Variants in DGKB observed in about 807,000 individuals in gnomAD.
DGKB encodes diacylglycerol kinase beta.
DGKB carries 67 observed loss-of-function variants against 114.3 expected under a neutral mutation model. The observed-to-expected ratio is 0.59, with a 90% CI of 0.48 to 0.72. DGKB has a LOEUF of 0.72. Ranked by LOEUF, DGKB falls within the 30% of genes least tolerant of loss-of-function variation. The pLI, the probability that DGKB is intolerant of heterozygous loss-of-function variation, is 0.00. For missense variants in DGKB, 907 were observed against 975.2 expected (o/e 0.93, Z 0.93); for synonymous variants, 398 against 323.1 (o/e 1.23, Z -2.49).
intron 23 of DGKB, among the ~76,000 whole-genome samples, chr7:14,285,731 T>A (rs899997341): frequency 1.3e-5 from 2 of 152,132 alleles, no homozygotes; most frequent in African/African-American, 4.8e-5. Context: ...GGAAGGTACA[T>A]CTATGTATGT....
intron 1 of DGKB, among the ~76,000 whole-genome samples, chr7:14,922,183 T>C (rs10487787): frequency 0.081 from 12,309 of 152,076 alleles, 1,592 homozygotes; most frequent in East Asian, 0.64. Context: ...AATTACAAAC[T>C]GTTTCCATGA....
intron 23 of DGKB, among the ~76,000 whole-genome samples, chr7:14,231,619 T>C (rs1184932787): frequency 6.6e-6 from 1 of 151,918 alleles, no homozygotes; most frequent in Admixed American, 6.6e-5. Flanking sequence ...TAATTGCACA[T>C]ATGTGTGTGT....
intron 23 of DGKB, among the ~76,000 whole-genome samples, chr7:14,197,238 C>T (rs1161152688): frequency 6.6e-6 from 1 of 152,008 alleles, no homozygotes; most frequent in African/African-American, 2.4e-5. Context: ...AATACTATTG[C>T]AGTGAAACTC....
At chr7:14,895,101 G>A (rs560425011) in intron 1 of DGKB, among the ~76,000 whole-genome samples, 100 of 151,604 alleles carry the variant, frequency 6.6e-4, no homozygotes, top group African/African-American at 2.3e-3. Flanking sequence ...CAAAATGACA[G>A]GCAAGAGAAG....
chr7:14,176,642 C>T, intron 25 of DGKB, 197 bp downstream of exon 25: 1 of 1,312,352 alleles, frequency 7.6e-7, no homozygotes, highest in Non-Finnish European at 9.7e-7. Flanking sequence ...CATTCAAGAG[C>T]TAAATCATTG....
intron 20 of DGKB, among the ~76,000 whole-genome samples, chr7:14,480,587 A>G (rs1019145326): frequency 1.3e-5 from 2 of 152,158 alleles, no homozygotes; most frequent in Non-Finnish European, 1.5e-5. Flanking sequence ...AGAAAAAGCT[A>G]AAATGCCATT....
Position 14,955,613 on chromosome 7 carries a change from C to A in DGKB, c.-188+19083G>T, listed in dbSNP as rs1334377901. Among the ~76,000 whole-genome samples, 4 of 151,928 alleles carry A rather than the reference C, an allele frequency of 2.6e-5. 1 individual carries two copies. The highest frequency in any genetic ancestry group is 9.7e-5 in the African/African-American group (4 of 41,380). On this transcript the variant is annotated intron_variant, in intron 1 of 4. Transcript: ENST00000437998. ...TTAAGCAAAGCCTAAAGCTCCCTGC[C>A]CAACAAGATGCTGGAAGGAAAGAAG...
intron 21 of DGKB, among the ~76,000 whole-genome samples, chr7:14,446,270 C>A (rs1471870453): frequency 6.6e-6 from 1 of 152,100 alleles, no homozygotes; most frequent in Non-Finnish European, 1.5e-5. Flanking sequence ...TTCATTCAAT[C>A]GAAAGTGGTT....
At chr7:14,182,025 T>G (rs529499237) in intron 23 of DGKB, among the ~76,000 whole-genome samples, 1 of 152,306 alleles carries the variant, frequency 6.6e-6, no homozygotes, top group Admixed American at 6.5e-5. Flanking sequence ...AACTTTATTT[T>G]CACTAACATG....
intron 21 of DGKB, among the ~76,000 whole-genome samples, chr7:14,422,816 A>G (rs909928326): frequency 5.3e-5 from 8 of 152,038 alleles, no homozygotes; most frequent in Admixed American, 5.3e-4. Context: ...AGTAGTAATA[A>G]GAAATAACAA....
chr7:14,331,606 G>C (rs1170143091), intron 23 of DGKB, among the ~76,000 whole-genome samples: 1 of 151,908 alleles, frequency 6.6e-6, no homozygotes, highest in Non-Finnish European at 1.5e-5. Context: ...AATTATCTGG[G>C]AAATATAATG....
intron 1 of DGKB, among the ~76,000 whole-genome samples, chr7:14,932,778 C>G (rs546374630): frequency 3.3e-4 from 50 of 152,270 alleles, no homozygotes; most frequent in African/African-American, 1.1e-3. Context: ...TCACCAGAAA[C>G]TAGGAGTTTA....
intron 20 of DGKB, among the ~76,000 whole-genome samples, chr7:14,506,397 A>G (rs1216470401): frequency 6.6e-6 from 1 of 152,190 alleles, no homozygotes; most frequent in African/African-American, 2.4e-5. Flanking sequence ...AAGAGAAAAA[A>G]ATAGACTATG....
chr7:14,779,783 T>G (rs2128486148), intron 2 of DGKB, among the ~76,000 whole-genome samples: 1 of 152,274 alleles, frequency 6.6e-6, no homozygotes, highest in Non-Finnish European at 1.5e-5. Flanking sequence ...ATTTCTGGTT[T>G]TAGTCTTCTG....
At chr7:14,212,349 C>G (rs1788170674) in intron 23 of DGKB, among the ~76,000 whole-genome samples, 1 of 48,646 alleles carries the variant, frequency 2.1e-5, no homozygotes, top group African/African-American at 1.3e-4. Context: ...GTGATATTTA[C>G]TCTCATGTTT....
At chr7:14,572,918 T>C (rs1798606724) in intron 20 of DGKB, among the ~76,000 whole-genome samples, 1 of 152,154 alleles carries the variant, frequency 6.6e-6, no homozygotes, top group Non-Finnish European at 1.5e-5. Context: ...TTTTTAAATA[T>C]AGAATGTCCA....
chr7:14,920,802 ATAT>A (rs1784477086), intron 1 of DGKB, among the ~76,000 whole-genome samples: 1 of 152,216 alleles, frequency 6.6e-6, no homozygotes, highest in Non-Finnish European at 1.5e-5. Context: ...CTAAAATGAA[ATAT>A]TATTTGGTGA....
intron 2 of DGKB, among the ~76,000 whole-genome samples, chr7:14,791,838 C>T (rs759075214): frequency 5.3e-4 from 80 of 152,276 alleles, no homozygotes; most frequent in African/African-American, 1.7e-3. Flanking sequence ...TTTATTACAT[C>T]TTTCAAAATC....
intron 1 of DGKB, among the ~76,000 whole-genome samples, chr7:14,939,343 A>T (rs1785437465): frequency 6.6e-6 from 1 of 152,214 alleles, no homozygotes; most frequent in Non-Finnish European, 1.5e-5. Context: ...TGCTGAAAAA[A>T]GTAGTGCTTA....
Sources: gnomAD v4.1 joint callset for allele counts (sites outside exome capture counted in the v4.1 genomes callset) on GRCh38, gnomAD v4.1.1 for gene constraint, MANE v1.5 for transcripts, NCBI Gene and HGNC (gene_info 2026-07-23, HGNC 2026-07-21) for gene names.